The following PUM3 variants were observed in gnomAD, a reference collection of about 807,000 sequenced individuals.
PUM3 encodes pumilio RNA binding family member 3.
A neutral mutation model predicts 84.0 loss-of-function variants in PUM3; 91 were observed. That is an observed-to-expected ratio of 1.08 (90% CI 0.91 to 1.29). The LOEUF (loss-of-function observed/expected upper bound fraction) is 1.29. Among genes scored for constraint, PUM3 ranks in the 50% most tolerant of loss-of-function variants. PUM3 has a pLI of 0.00. For missense variants in PUM3, 1,067 were observed against 767.5 expected, an observed-to-expected ratio of 1.39 and a Z score of -4.61; for synonymous variants, 321 against 266.7, an observed-to-expected ratio of 1.20 and a Z score of -1.98.
In PUM3 at chr9:2,811,840, C is replaced by CAA. The variant is rs60586864; in HGVS notation, c.1413-259_1413-258dup. On this transcript the variant is annotated intron_variant, in intron 14 of 17. Coordinates refer to ENST00000397885, the MANE Select transcript of PUM3 (RefSeq NM_014878.5). ...AAAGGGAGTCTGACTTGTGTAATAC[C>CAA]AAAAAAAAAAAAAAAAAAATCCAAA... Among the ~76,000 whole-genome samples the CAA allele has an allele frequency of 8.7e-3, 882 of 101,148 alleles. 13 individuals are homozygous for CAA. The highest frequency in any genetic ancestry group is 0.028 in the African/African-American group (802 of 28,940). The allele number at this position is 101,148 out of a possible 152,430, so 66.4% of individuals were successfully genotyped here. A position where few individuals can be genotyped will look rare whatever the true frequency, so the allele number is the denominator to read the frequency against.
At chr9:2,841,750 C>T (rs1034430523) in intron 1 of PUM3, among the ~76,000 whole-genome samples, 12 of 151,276 alleles carry the variant, frequency 7.9e-5, no homozygotes, top group Non-Finnish European at 1.6e-4. Context: ...ATCAGCCCTT[C>T]GGCCCCTCAC....
chr9:2,825,463 T>C (rs958904283), intron 10 of PUM3, among the ~76,000 whole-genome samples: 4 of 152,262 alleles, frequency 2.6e-5, no homozygotes, highest in African/African-American at 9.6e-5. Context: ...TCATTTTCCA[T>C]GTATATAATT....
chr9:2,806,682 T>C (rs148970547), intron 17 of PUM3, among the ~76,000 whole-genome samples: 84 of 152,338 alleles, frequency 5.5e-4, no homozygotes, highest in African/African-American at 1.9e-3. Flanking sequence ...GATTTGTGGA[T>C]TGATTATAAA....
chr9:2,835,743 G>A (rs930226990), intron 3 of PUM3, among the ~76,000 whole-genome samples: 1 of 152,144 alleles, frequency 6.6e-6, no homozygotes, highest in African/African-American at 2.4e-5. Context: ...ACATTTATCA[G>A]TGTGGGGGTT....
At chr9:2,817,842 A>T (rs1276123141) in intron 13 of PUM3, among the ~76,000 whole-genome samples, 3 of 152,198 alleles carry the variant, frequency 2.0e-5, no homozygotes, top group African/African-American at 7.2e-5. Context: ...TGGCTTTAAA[A>T]ATATGCATCA....
chr9:2,823,805 C>A lies in PUM3; in HGVS notation c.1164G>T (p.Lys388Asn). 1 of 1,522,244 alleles carries A rather than the reference C, an allele frequency of 6.6e-7. No individual in the cohort carries two copies. Among genetic ancestry groups the A allele is most frequent in the South Asian group, 1.2e-5 (1 of 80,948 alleles). 94.3% of individuals were successfully genotyped at this position (1,522,244 alleles called of 1,614,324 possible). A position where few individuals can be genotyped will look rare whatever the true frequency, so the allele number is the denominator to read the frequency against. Residue 388 changes from lysine (K) to asparagine (N), a missense_variant, in exon 12 of 18, where the codon AAG becomes AAT. Physicochemically the swap from Lys to Asn is moderately conservative, Grantham distance 94 (BLOSUM62 0). Transcript: ENST00000397885. ...KDRKVIVKTM[K>N]TYVEKVANGQ... is the part of the protein sequence containing the mutation. ...CATTAGCCACCTTTTCAACATAAGT[C>A]TTCATTGTTTTCACAATCACTTTCC...
intron 15 of PUM3, 36 bp from the exon 16 acceptor site, chr9:2,810,467 GT>G: frequency 7.0e-7 from 1 of 1,421,372 alleles, no homozygotes; most frequent in Non-Finnish European, 9.8e-7. Context: ...TTTAAAAGTT[GT>G]TTTCATTCAT....
Position 2,810,252 on chromosome 9 carries a change from T to A in PUM3, c.1723+92A>T, listed in dbSNP as rs1226481500. On this transcript the variant is annotated intron_variant, in intron 16 of 17. Coordinates refer to ENST00000397885, the MANE Select transcript of PUM3 (RefSeq NM_014878.5). The stretch of plus-strand genomic sequence containing the variant: ...TTCTAGACACTTGGCAAACTTCATT[T>A]GAGCTTAAATGGCTGGTATAAAGTT... The A allele has an allele frequency of 1.2e-5, 10 of 808,988 alleles. No individual in the cohort carries two copies. The East Asian group carries it at 2.5e-4, about 20-fold the overall frequency. The allele number at this position is 808,988 out of a possible 1,614,324, so 50.1% of individuals were successfully genotyped here.
intron 1 of PUM3, among the ~76,000 whole-genome samples, chr9:2,839,608 C>G (rs3824350): frequency 0.55 from 83,576 of 151,958 alleles, 23,262 homozygotes; most frequent in South Asian, 0.6. Context: ...GAACAGCAGA[C>G]TTCCAAGGAG....
intron 5 of PUM3, 48 bp from the exon 6 acceptor site, chr9:2,831,392 T>C (rs1276507006): frequency 1.7e-6 from 2 of 1,176,288 alleles, no homozygotes; most frequent in Non-Finnish European, 2.5e-6. Flanking sequence ...GAGACTTATG[T>C]TTCTCACTAA....
chr9:2,829,696 G>T, intron 8 of PUM3, 78 bp downstream of exon 8: 2 of 1,220,028 alleles, frequency 1.6e-6, no homozygotes, highest in African/African-American at 1.5e-5. Context: ...ACATTCAAAA[G>T]ATATATAGGG....
chr9:2,811,335 C>G (rs1193849148), intron 15 of PUM3, 26 bp downstream of exon 15: 1 of 1,608,030 alleles, frequency 6.2e-7, no homozygotes, highest in African/African-American at 1.3e-5. Flanking sequence ...TGCAGCTTTC[C>G]TGCCTGTGCT....
chr9:2,829,630 T>G, intron 8 of PUM3, 144 bp downstream of exon 8: 1 of 668,164 alleles, frequency 1.5e-6, no homozygotes, highest in Non-Finnish European at 2.5e-6. Flanking sequence ...AAATAAAGCA[T>G]GAGGGAAAAT....
chr9:2,833,264 T>A, intron 5 of PUM3, 93 bp downstream of exon 5: 3 of 585,262 alleles, frequency 5.1e-6, no homozygotes, highest in Non-Finnish European at 5.9e-6. Flanking sequence ...CCGGAAACAA[T>A]GATAAGATCA....
At chr9:2,816,600 C>G (rs1736696121) in intron 13 of PUM3, among the ~76,000 whole-genome samples, 1 of 152,118 alleles carries the variant, frequency 6.6e-6, no homozygotes, top group Non-Finnish European at 1.5e-5. Context: ...TGAATGGTGC[C>G]CACCACCTTG....
chr9:2,827,104 A>G lies in PUM3; in HGVS notation c.1004T>C (p.Phe335Ser), dbSNP rs773695748. The G allele has an allele frequency of 3.2e-5, 52 of 1,610,124 alleles. No homozygotes were observed. Among genetic ancestry groups the G allele is most frequent in the Non-Finnish European group, 4.3e-5 (51 of 1,178,838 alleles). Residue 335 changes from phenylalanine (F) to serine (S), a missense_variant, in exon 10 of 18, where the codon TTT (phenylalanine) becomes TCT (serine). Transcript: ENST00000397885. ...GAGTTTGGGGGGTGCATAGGTAAAA[A>G]AGTCCAAGAATACTTTATGCACCAA... ...HSLVHKVFLD[F>S]FTYAPPKLRS...
At chr9:2,812,398 C>T in intron 13 of PUM3, 36 bp from the exon 14 acceptor site, 1 of 1,416,754 alleles carries the variant, frequency 7.1e-7, no homozygotes, top group Non-Finnish European at 9.8e-7. Context: ...GAATCAATAT[C>T]TGCATTCTCA....
At chr9:2,837,535 G>C in intron 2 of PUM3, 134 bp from the exon 3 acceptor site, 1 of 620,600 alleles carries the variant, frequency 1.6e-6, no homozygotes. Flanking sequence ...GCAACATATA[G>C]CCTTTTGAGT....
chr9:2,806,730 A>G (rs1821265234), intron 17 of PUM3, among the ~76,000 whole-genome samples: 1 of 152,244 alleles, frequency 6.6e-6, no homozygotes, highest in Non-Finnish European at 1.5e-5. Flanking sequence ...AAGAGGCCAT[A>G]GCTCATCACT....
Sources: gnomAD v4.1 joint callset for allele counts (sites outside exome capture counted in the v4.1 genomes callset) on GRCh38, gnomAD v4.1.1 for gene constraint, MANE v1.5 for transcripts, NCBI Gene and HGNC (gene_info 2026-07-23, HGNC 2026-07-21) for gene names.